PLPPR1: variants seen among roughly 807,000 people sequenced by gnomAD.
The protein encoded by PLPPR1 is phospholipid phosphatase related 1.
Under a neutral mutation model 33.1 loss-of-function variants are expected in PLPPR1, and 10 were observed. That is an observed-to-expected ratio of 0.30 (90% CI 0.19 to 0.51). PLPPR1 has a LOEUF of 0.51. Among genes scored for constraint, PLPPR1 ranks in the 20% least tolerant of loss-of-function variants. PLPPR1 has a pLI of 0.97. For synonymous variants in PLPPR1, 151 were observed against 151.0 expected (o/e 1.00, Z 0.00); for missense variants, 304 against 408.1 (o/e 0.74, Z 2.20).
intron 1 of PLPPR1, among the ~76,000 whole-genome samples, chr9:101,177,542 A>G (rs1826036444): frequency 6.6e-6 from 1 of 152,184 alleles, no homozygotes. Context: ...TTACTGAATC[A>G]TTCTTCAAAA....
At chr9:101,112,284 A>G (rs528298658) in intron 1 of PLPPR1, among the ~76,000 whole-genome samples, 1 of 152,316 alleles carries the variant, frequency 6.6e-6, no homozygotes, top group African/African-American at 2.4e-5. Flanking sequence ...TTTACATAAT[A>G]GGCAACAGGT....
intron 1 of PLPPR1, among the ~76,000 whole-genome samples, chr9:101,145,398 TGAGACG>T (rs1163079696): frequency 1.3e-5 from 2 of 152,180 alleles, no homozygotes; most frequent in Non-Finnish European, 2.9e-5. Context: ...AATTTTTTTT[TGAGACG>T]GAGTTTTGCT....
chr9:101,324,127 C>A lies in PLPPR1; in HGVS notation c.*70C>A. Reference sequence around the variant, plus strand: ...TTCTATACTTCAAAACACACAGTTGCTCAATGTCAAACTGTGATGACAAAT... The same window carrying A: ...TTCTATACTTCAAAACACACAGTTGATCAATGTCAAACTGTGATGACAAAT... On this transcript the variant is annotated 3_prime_UTR_variant, in exon 8 of 8. Coordinates refer to ENST00000374874, the MANE Select transcript of PLPPR1 (RefSeq NM_207299.2). 7.8e-7 allele frequency: 1 copy of A among 1,277,944 alleles called. No individual in the cohort carries two copies. Among genetic ancestry groups the A allele is most frequent in the Non-Finnish European group, 1.1e-6 (1 of 883,336 alleles). The allele number at this position is 1,277,944 out of a possible 1,614,324, so 79.2% of individuals were successfully genotyped here.
intron 2 of PLPPR1, among the ~76,000 whole-genome samples, chr9:101,243,990 AAG>A (rs1252245645): frequency 6.6e-6 from 1 of 151,854 alleles, no homozygotes; most frequent in Non-Finnish European, 1.5e-5. Context: ...GAATTGATGA[AAG>A]AGACTTGAGA....
chr9:101,297,721 C>T (rs1400495506), intron 4 of PLPPR1, among the ~76,000 whole-genome samples: 1 of 152,086 alleles, frequency 6.6e-6, no homozygotes, highest in African/African-American at 2.4e-5. Context: ...CAAATTTTAC[C>T]TGTACTTTAT....
chr9:101,246,103 TATATATAG>T (rs1827605204), intron 2 of PLPPR1, among the ~76,000 whole-genome samples: 4 of 109,964 alleles, frequency 3.6e-5, no homozygotes, highest in South Asian at 2.9e-4. Flanking sequence ...TATATATATA[TATATATAG>T]ATAGATAGAT....
At chr9:101,054,796 C>T (rs1456701941) in intron 1 of PLPPR1, among the ~76,000 whole-genome samples, 1 of 152,176 alleles carries the variant, frequency 6.6e-6, no homozygotes, top group East Asian at 1.9e-4. Context: ...TGCCGCAAAA[C>T]CTCTCCGTGT....
At chr9:101,284,857 G>A (rs898877047) in intron 3 of PLPPR1, among the ~76,000 whole-genome samples, 4 of 152,188 alleles carry the variant, frequency 2.6e-5, no homozygotes, top group Non-Finnish European at 5.9e-5. Context: ...CAGCAAAGAT[G>A]ATCATCTATG....
At chr9:101,238,115 G>A (rs1436963912) in intron 2 of PLPPR1, among the ~76,000 whole-genome samples, 6 of 133,610 alleles carry the variant, frequency 4.5e-5, no homozygotes, top group African/African-American at 8.2e-5. Flanking sequence ...GCCTATATAC[G>A]TGTGTGTATA....
chr9:101,179,218 C>T (rs1442036930), intron 1 of PLPPR1, among the ~76,000 whole-genome samples: 3 of 152,142 alleles, frequency 2.0e-5, no homozygotes, highest in African/African-American at 2.4e-5. Context: ...GAAACTACAA[C>T]AGCCTAATCC....
At position 101,080,394 on chromosome 9, in the gene PLPPR1, G is replaced by GT. The variant is rs1344463140; in HGVS notation, c.-46+51293dup. On this transcript the variant is annotated intron_variant, in intron 1 of 7. Coordinates refer to ENST00000374874, the MANE Select transcript of PLPPR1 (RefSeq NM_207299.2). Reference sequence around the variant, plus strand: ...CAAGGCATGGTAGCACATGCCTGTAGTCCCAGCTGCTTGAGAGTCTGAGAT... The same window carrying GT: ...CAAGGCATGGTAGCACATGCCTGTAGTTCCCAGCTGCTTGAGAGTCTGAGAT... 2.0e-5 allele frequency among the ~76,000 whole-genome samples: 3 copies of GT among 152,252 alleles called. No homozygotes were observed. The East Asian group carries it at 5.8e-4, about 30-fold the overall frequency.
intron 3 of PLPPR1, among the ~76,000 whole-genome samples, chr9:101,285,385 T>C (rs1055376085): frequency 1.7e-4 from 26 of 152,142 alleles, no homozygotes; most frequent in African/African-American, 6.3e-4. Context: ...GAGAGATGCC[T>C]ATAATAAAGA....
At position 101,082,101 on chromosome 9, in the gene PLPPR1, G is replaced by T. The variant is rs188920798; in HGVS notation, c.-46+52999G>T. Among the ~76,000 whole-genome samples, 730 of 152,342 alleles carry T rather than the reference G, an allele frequency of 4.8e-3. 3 individuals are homozygous for T. Among genetic ancestry groups the T allele is most frequent in the Non-Finnish European group, 7.8e-3 (530 of 68,028 alleles). On this transcript the variant is annotated intron_variant, in intron 1 of 7. Coordinates refer to ENST00000374874, the MANE Select transcript of PLPPR1 (RefSeq NM_207299.2). Reference sequence around the variant, plus strand: ...AGAGTGGAGGATGTAGTGGCTGTCAGACGGGCAGTGCCTTAGAGACAACTG... The same window carrying T: ...AGAGTGGAGGATGTAGTGGCTGTCATACGGGCAGTGCCTTAGAGACAACTG...
chr9:101,100,964 T>C (rs1830890850), intron 1 of PLPPR1, among the ~76,000 whole-genome samples: 1 of 152,150 alleles, frequency 6.6e-6, no homozygotes, highest in Admixed American at 6.6e-5. Flanking sequence ...AACTCACACT[T>C]TGAGCCAGTG....
At chr9:101,224,489 T>C (rs1361224353) in intron 2 of PLPPR1, among the ~76,000 whole-genome samples, 1 of 152,170 alleles carries the variant, frequency 6.6e-6, no homozygotes, top group Non-Finnish European at 1.5e-5. Context: ...TCCTTCCTTA[T>C]AAAGTGGGCA....
At chr9:101,081,478 CCA>C (rs1255835123) in intron 1 of PLPPR1, among the ~76,000 whole-genome samples, 5 of 152,164 alleles carry the variant, frequency 3.3e-5, no homozygotes, top group Non-Finnish European at 7.3e-5. Context: ...CAGGCATAAG[CCA>C]CCATGCCCGG....
At chr9:101,065,731 TC>T (rs1350895330) in intron 1 of PLPPR1, among the ~76,000 whole-genome samples, 1 of 152,088 alleles carries the variant, frequency 6.6e-6, no homozygotes, top group African/African-American at 2.4e-5. Flanking sequence ...TGTAACATAA[TC>T]CCACTATTAT....
rs767375015 is a variant in PLPPR1, at chr9:101,309,213, G to T, written c.388G>T (p.Val130Leu). Reference sequence around the variant, plus strand: ...AATGATTTTAAATCTTCTTATAGGGGTGTTTGCATTTGGACTTTTTGCTAC... The same window carrying T: ...AATGATTTTAAATCTTCTTATAGGGTTGTTTGCATTTGGACTTTTTGCTAC... ...LLRRIIRFTGVFAFGLFATDI... is the reference protein window; with the variant it reads ...LLRRIIRFTGLFAFGLFATDI... Residue 130 changes from valine to leucine, a missense_variant and splice_region_variant, in exon 5 of 8, where the codon GTG becomes TTG. By Grantham distance (32) the Val-to-Leu change is conservative (BLOSUM62 1). Transcript: ENST00000374874. The T allele has an allele frequency of 2.5e-6, 4 of 1,614,084 alleles. No individual in the cohort carries two copies. The highest frequency in any genetic ancestry group is 3.4e-6 in the Non-Finnish European group (4 of 1,179,992).
chr9:101,037,476 T>A (rs1382680135), intron 1 of PLPPR1, among the ~76,000 whole-genome samples: 1 of 152,108 alleles, frequency 6.6e-6, no homozygotes, highest in Non-Finnish European at 1.5e-5. Flanking sequence ...AGGTTTCTGA[T>A]GAGTAGCATG....
Sources: gnomAD v4.1 joint callset for allele counts (sites outside exome capture counted in the v4.1 genomes callset) on GRCh38, gnomAD v4.1.1 for gene constraint, MANE v1.5 for transcripts, NCBI Gene and HGNC (gene_info 2026-07-23, HGNC 2026-07-21) for gene names.